Variants in PRELID2 observed in about 807,000 individuals in gnomAD.
PRELID2 encodes the protein PRELI domain-containing protein 2.
In PRELID2, 25 loss-of-function variants were observed where a neutral mutation model predicts 28.4. That is an observed-to-expected ratio of 0.88 (90% CI 0.64 to 1.23). The LOEUF (loss-of-function observed/expected upper bound fraction) is 1.23, where lower values mean the gene tolerates loss of function less well. PRELID2 is among the 50% of genes most tolerant of loss of function. The pLI is 0.00. For synonymous variants in PRELID2, 76 were observed against 71.6 expected (o/e 1.06, Z -0.31); for missense variants, 201 against 214.4 (o/e 0.94, Z 0.39).
intron 1 of PRELID2, among the ~76,000 whole-genome samples, chr5:145,488,123 CAAA>C (rs10643402): frequency 3.0e-5 from 3 of 101,374 alleles, no homozygotes; most frequent in Non-Finnish European, 3.9e-5. Context: ...GACTCTGTCT[CAAA>C]AAAAAAAAAA....
At chr5:145,611,613 T>C (rs1023446597) in intron 1 of PRELID2, among the ~76,000 whole-genome samples, 1 of 152,212 alleles carries the variant, frequency 6.6e-6, no homozygotes, top group Non-Finnish European at 1.5e-5. Flanking sequence ...AACAGAAACA[T>C]TGTATTATTG....
At chr5:145,815,815 G>C (rs956193766) in intron 4 of PRELID2, among the ~76,000 whole-genome samples, 2 of 152,164 alleles carry the variant, frequency 1.3e-5, no homozygotes. Context: ...TCAGTTGATG[G>C]ACATTGGCTT....
At chr5:145,271,306 C>G in the PRELID2 span, among the ~76,000 whole-genome samples, 1 of 152,030 alleles carries the variant, frequency 6.6e-6, no homozygotes, top group Non-Finnish European at 1.5e-5. Context: ...CTCATTGCAG[C>G]CTTGACCTCC....
chr5:145,339,903 G>C, the PRELID2 span, among the ~76,000 whole-genome samples: 2 of 152,132 alleles, frequency 1.3e-5, no homozygotes, highest in Non-Finnish European at 2.9e-5. Context: ...GATGAGGCTA[G>C]ATACTCCCAC....
chr5:145,782,574 A>T (rs1488301287), intron 5 of PRELID2, among the ~76,000 whole-genome samples: 4 of 152,262 alleles, frequency 2.6e-5, no homozygotes, highest in Admixed American at 6.5e-5. Context: ...TATAGAAGGC[A>T]TAGATTAAAA....
At chr5:145,670,713 A>C (rs1021500512) in intron 1 of PRELID2, among the ~76,000 whole-genome samples, 1 of 151,996 alleles carries the variant, frequency 6.6e-6, no homozygotes, top group Non-Finnish European at 1.5e-5. Context: ...CCTCACTCCC[A>C]ATCTCTCTCT....
chr5:145,405,109 A>AAT, the PRELID2 span, among the ~76,000 whole-genome samples: 1 of 152,216 alleles, frequency 6.6e-6, no homozygotes, highest in Admixed American at 6.5e-5. Flanking sequence ...AAAAATGTGT[A>AAT]ATAATATCCT....
chr5:145,373,360 T>TTATATATTACAACATATATAATATAC, the PRELID2 span, among the ~76,000 whole-genome samples: 1 of 63,698 alleles, frequency 1.6e-5, no homozygotes, highest in African/African-American at 5.5e-5. Context: ...ATATAATATA[T>TTATATATTACAACATATATAATATAC]ATGATATTAT....
intron 1 of PRELID2, among the ~76,000 whole-genome samples, chr5:145,574,011 T>C (rs1426144580): frequency 6.6e-6 from 1 of 152,184 alleles, no homozygotes; most frequent in Non-Finnish European, 1.5e-5. Context: ...GGAAATAAGG[T>C]TGCAGATGGA....
chr5:145,244,980 A>G, the PRELID2 span, among the ~76,000 whole-genome samples: 1 of 152,098 alleles, frequency 6.6e-6, no homozygotes, highest in Non-Finnish European at 1.5e-5. Flanking sequence ...AAGTATTCAA[A>G]GCATCTCTTT....
chr5:145,301,162 G>C, the PRELID2 span, among the ~76,000 whole-genome samples: 1 of 152,012 alleles, frequency 6.6e-6, no homozygotes, highest in Non-Finnish European at 1.5e-5. Context: ...ATTTAGTGCT[G>C]TCAAATTTTT....
chr5:145,338,101 T>C, the PRELID2 span: 1 of 152,210 alleles, frequency 6.6e-6, no homozygotes, highest in African/African-American at 2.4e-5. Flanking sequence ...CATTGAAATC[T>C]GAAGTAATGT....
chr5:145,300,700 CTTTTTTT>C, the PRELID2 span, among the ~76,000 whole-genome samples: 1 of 128,422 alleles, frequency 7.8e-6, no homozygotes, highest in Non-Finnish European at 1.6e-5. Context: ...TTTTTATTTA[CTTTTTTT>C]TTTTTTTTTT....
chr5:145,590,041 G>T (rs1753206945), intron 1 of PRELID2, among the ~76,000 whole-genome samples: 1 of 152,108 alleles, frequency 6.6e-6, no homozygotes, highest in Admixed American at 6.6e-5. Flanking sequence ...AAGGGAGTAT[G>T]AATTGCACTT....
the PRELID2 span, among the ~76,000 whole-genome samples, chr5:145,305,759 A>C: frequency 6.6e-6 from 1 of 152,064 alleles, no homozygotes; most frequent in Admixed American, 6.6e-5. Context: ...CACCTCTGTC[A>C]CTCAGGATCT....
chr5:145,651,329 A>G (rs62392286), intron 1 of PRELID2, among the ~76,000 whole-genome samples: 32,815 of 151,932 alleles, frequency 0.22, 6,615 homozygotes, highest in African/African-American at 0.53. Context: ...CCACCTCTGG[A>G]GGCAGGGCAT....
the PRELID2 span, among the ~76,000 whole-genome samples, chr5:145,429,109 C>G: frequency 6.6e-6 from 1 of 152,128 alleles, no homozygotes; most frequent in Non-Finnish European, 1.5e-5. Context: ...TAAAAGAGCA[C>G]TTTGGAGACT....
chr5:145,691,048 G>C (rs1052375021), intron 1 of PRELID2, among the ~76,000 whole-genome samples: 1 of 151,886 alleles, frequency 6.6e-6, no homozygotes, highest in Non-Finnish European at 1.5e-5. Context: ...GCATGTGATG[G>C]TGTAAATTGT....
chr5:145,626,730 T>G (rs984466499), intron 1 of PRELID2, among the ~76,000 whole-genome samples: 35 of 152,176 alleles, frequency 2.3e-4, no homozygotes, highest in African/African-American at 8.2e-4. Flanking sequence ...ACTTGTATGT[T>G]TATTGCAGCA....
Sources: gnomAD v4.1 joint callset for allele counts (sites outside exome capture counted in the v4.1 genomes callset) on GRCh38, gnomAD v4.1.1 for gene constraint, MANE v1.5 for transcripts, NCBI Gene and HGNC (gene_info 2026-07-23, HGNC 2026-07-21) for gene names.